Variants in KLK10 observed in about 807,000 individuals in gnomAD.
KLK10 encodes the protein kallikrein related peptidase 10.
Under a neutral mutation model 25.7 loss-of-function variants are expected in KLK10, and 27 were observed. That is an observed-to-expected ratio of 1.05 (90% confidence interval 0.77 to 1.45). The LOEUF (loss-of-function observed/expected upper bound fraction) is 1.45. KLK10 is among the 40% of genes most tolerant of loss of function. The pLI, the probability that KLK10 is intolerant of heterozygous loss-of-function variation, is 0.00. For synonymous variants in KLK10, 173 were observed against 160.1 expected (o/e 1.08, Z -0.61); for missense variants, 386 against 370.0 (o/e 1.04, Z -0.35).
Position 51,017,035 on chromosome 19 carries a change from C to T in KLK10, c.269+75G>A. 4.3e-6 allele frequency: 6 copies of T among 1,394,188 alleles called. No homozygotes were observed. In the South Asian group the frequency reaches 8.9e-5, roughly 21 times the overall value. 86.4% of individuals were successfully genotyped at this position (1,394,188 alleles called of 1,614,324 possible). A position where few individuals can be genotyped will look rare whatever the true frequency, so the allele number is the denominator to read the frequency against. On this transcript the variant is annotated intron_variant, in intron 3 of 5. Transcript: ENST00000358789. ...CCAGCTGTGGGAGTTCCGAGAGACC[C>T]CGCCCTGCCCGCTCCTCCCTGGAGG...
chr19:51,015,407 C>G lies in KLK10; in HGVS notation c.678+10G>C. ...CCAGGAGTCAGAGACTCTCCCTGTT[C>G]AGACCCTACCTGGCAAGGGTCCTGG... On this transcript the variant is annotated intron_variant, in intron 5 of 5. Coordinates refer to ENST00000358789, the MANE Select transcript of KLK10 (RefSeq NM_145888.3). 6.2e-7 allele frequency: 1 copy of G among 1,613,112 alleles called. No homozygotes were observed.
In KLK10 at chr19:51,016,013, A is replaced by C; in HGVS notation, c.413T>G (p.Leu138Arg). 1 of 1,567,086 alleles carries C rather than the reference A, an allele frequency of 6.4e-7. No individual in the cohort carries two copies. Among genetic ancestry groups the C allele is most frequent in the Non-Finnish European group, 8.7e-7 (1 of 1,155,816 alleles). ...ILPRRTDEHD[L>R]MLLKLARPVV... ...GGGCCTGGCCAGCTTCAGCAACATG[A>C]GATCGTGCTCATCCGTTCGCCTTGG... is the stretch of plus-strand genomic sequence containing the variant. The change falls in exon 4 of 6, where the codon CTC becomes CGC. Residue 138 changes from leucine (L) to arginine (R), a missense_variant. Coordinates refer to ENST00000358789, the MANE Select transcript of KLK10 (RefSeq NM_145888.3).
In KLK10 at chr19:51,016,057, C is replaced by T. The variant is rs1403261498; in HGVS notation, c.369G>A (p.Gln123=). Residue 123 remains glutamine (Q), a synonymous_variant, in exon 4 of 6, where the codon CAG becomes CAA. Transcript: ENST00000358789. Reference sequence around the variant, plus strand: ...GCCTTGGCAGGATGGGGCCTGAGCCCTGGTGGTACTTGGGATGGACAACAG... The same window carrying T: ...GCCTTGGCAGGATGGGGCCTGAGCCTTGGTGGTACTTGGGATGGACAACAG... ...TRSVVHPKYH[Q]GSGPILPRRT... is the part of the protein sequence containing the mutation. 1 of 1,569,306 alleles carries T rather than the reference C, an allele frequency of 6.4e-7. No homozygotes were observed. Among genetic ancestry groups the T allele is most frequent in the East Asian group, 2.4e-5 (1 of 42,338 alleles).
In KLK10 at chr19:51,015,999, G is replaced by T; in HGVS notation, c.427C>A (p.Leu143Met). 1 of 1,570,346 alleles carries T rather than the reference G, an allele frequency of 6.4e-7. No individual in the cohort carries two copies. Among genetic ancestry groups the T allele is most frequent in the South Asian group, 1.2e-5 (1 of 85,540 alleles). ...GGCCCCAGCACTACGGGCCTGGCCA[G>T]CTTCAGCAACATGAGATCGTGCTCA... is the stretch of plus-strand genomic sequence containing the variant. The part of the protein sequence containing the change: ...TDEHDLMLLK[L>M]ARPVVLGPRV... Residue 143 changes from leucine (L) to methionine (M), a missense_variant, in exon 4 of 6, where the codon CTG (leucine) becomes ATG (methionine). By Grantham distance (15) the Leu-to-Met change is conservative. Transcript: ENST00000358789.
rs117165287 is a variant in KLK10 at position 51,014,400 on chromosome 19, C to T, written c.*400G>A. On this transcript the variant is annotated 3_prime_UTR_variant, in exon 6 of 6. Transcript: ENST00000358789. Reference sequence around the variant, plus strand: ...TCACAACATGTCTAAGAGGTAGGCACGTCATTGTTCCCATTTTGCAGATGA... The same window carrying T: ...TCACAACATGTCTAAGAGGTAGGCATGTCATTGTTCCCATTTTGCAGATGA... 1,069 of 196,954 alleles carry T rather than the reference C, an allele frequency of 5.4e-3. 40 individuals carry two copies. Among genetic ancestry groups the T allele is most frequent in the Admixed American group, 0.048 (891 of 18,562 alleles). The allele number at this position is 196,954 out of a possible 1,614,324, so 12.2% of individuals were successfully genotyped here. A position where few individuals can be genotyped will look rare whatever the true frequency, so the allele number is the denominator to read the frequency against.
At chr19:51,017,994 C>T (rs1369484231) in intron 2 of KLK10, among the ~76,000 whole-genome samples, 6 of 90,444 alleles carry the variant, frequency 6.6e-5, no homozygotes, top group Admixed American at 1.4e-4. Flanking sequence ...GAGTGAGACC[C>T]TGTCTCAAAA....
chr19:51,015,053 AT>A, intron 5 of KLK10, 101 bp from the exon 6 acceptor site: 1 of 1,076,932 alleles, frequency 9.3e-7, no homozygotes, highest in East Asian at 2.4e-5. Flanking sequence ...TTGGGTTGGG[AT>A]AAAGACGAGG....
Position 51,014,788 on chromosome 19 carries a change from G to C in KLK10, c.*12C>G. 1 of 1,574,986 alleles carries C rather than the reference G, an allele frequency of 6.3e-7. No individual in the cohort carries two copies. Among genetic ancestry groups the C allele is most frequent in the African/African-American group, 1.3e-5 (1 of 74,592 alleles). On this transcript the variant is annotated 3_prime_UTR_variant, in exon 6 of 6. Transcript: ENST00000358789. Reference sequence around the variant, plus strand: ...GCATAACATCTGGATCAGCTGGAGCGTAGCATCTGGATCAGTTGGAGCGTA... The same window carrying C: ...GCATAACATCTGGATCAGCTGGAGCCTAGCATCTGGATCAGTTGGAGCGTA...
chr19:51,013,337 C>T lies in KLK10; in HGVS notation c.*1463G>A, dbSNP rs1349845998. 1 of 152,170 alleles carries T rather than the reference C, an allele frequency of 6.6e-6. No individual in the cohort carries two copies. Among genetic ancestry groups the T allele is most frequent in the Non-Finnish European group, 1.5e-5 (1 of 68,046 alleles). The allele number at this position is 152,170 out of a possible 1,614,324, so 9.4% of individuals were successfully genotyped here. A position where few individuals can be genotyped will look rare whatever the true frequency, so the allele number is the denominator to read the frequency against. On this transcript the variant is annotated 3_prime_UTR_variant, in exon 6 of 6. Coordinates refer to ENST00000358789, the MANE Select transcript of KLK10 (RefSeq NM_145888.3). ...AAGGACAAACAAACAAACAAAAACCCCGTGCTTAATGGGAAATTTCTGTTG... is the reference window on the plus strand; with the variant it reads ...AAGGACAAACAAACAAACAAAAACCTCGTGCTTAATGGGAAATTTCTGTTG...
In KLK10 at chr19:51,015,965, CGGA is replaced by C. The variant is rs2091321323; in HGVS notation, c.458_460del (p.Val153_Arg154delinsGly). On this transcript the variant is annotated inframe_deletion, in exon 4 of 6. Transcript: ENST00000358789. ...ACAGCGGTAGGGAAGCTGCAGGGCC[CGGA>C]CGCGGGGCCCCAGCACTACGGGCCT... 6.3e-7 allele frequency: 1 copy of C among 1,583,208 alleles called. No individual in the cohort carries two copies. The highest frequency in any genetic ancestry group is 1.3e-5 in the African/African-American group (1 of 74,634).
intron 4 of KLK10, 30 bp from the exon 5 acceptor site, chr19:51,015,580 G>T (rs1296197779): frequency 3.7e-6 from 6 of 1,607,444 alleles, no homozygotes; most frequent in Non-Finnish European, 5.1e-6. Context: ...GTAATCCCTG[G>T]GTCCAGCCCC....
intron 2 of KLK10, 131 bp downstream of exon 2, chr19:51,018,912 C>A (rs1211586018): frequency 4.2e-6 from 3 of 706,336 alleles, no homozygotes; most frequent in Admixed American, 4.7e-5. Context: ...GCGGGCCGTG[C>A]TCCGGAGCGC....
In KLK10 at chr19:51,019,122, A is replaced by G. The variant is rs1245988467; in HGVS notation, c.9T>C (p.Ala3=). The G allele has an allele frequency of 6.2e-6, 10 of 1,608,842 alleles. No individual in the cohort carries two copies. The highest frequency in any genetic ancestry group is 1.3e-5 in the African/African-American group (1 of 74,814). The change falls in exon 2 of 6, where the codon GCT becomes GCC. Residue 3 remains alanine, a synonymous_variant. Transcript: ENST00000358789. This position sits in a 1 kb window ranked among gnomAD's most constrained non-coding sequence, Gnocchi z 4.2. ...AGGCGGCGGAGAGGTGGAGGTGCGG[A>G]GCTCTCATGGCCAGGATCTGCTGGG... is the stretch of plus-strand genomic sequence containing the variant. MR[A]PHLHLSAASG...
intron 2 of KLK10, 192 bp downstream of exon 2, chr19:51,018,851 G>A (rs982879557): frequency 3.5e-5 from 21 of 597,582 alleles, no homozygotes; most frequent in Non-Finnish European, 3.0e-5. Flanking sequence ...GGCCTGAGTG[G>A]GGCGGGTCAC....
chr19:51,014,539 C>A lies in KLK10; in HGVS notation c.*261G>T, dbSNP rs1449658795. On this transcript the variant is annotated 3_prime_UTR_variant, in exon 6 of 6. Transcript: ENST00000358789. ...ACTGCTCTCAGAGGCTGGGTGATGA[C>A]CGGCTTCCTGGCTTCTCTGGAATAA... 1 of 297,364 alleles carries A rather than the reference C, an allele frequency of 3.4e-6. No individual in the cohort carries two copies. The highest frequency in any genetic ancestry group is 4.8e-5 in the Admixed American group (1 of 20,748). The allele number at this position is 297,364 out of a possible 1,614,324, so 18.4% of individuals were successfully genotyped here.
intron 2 of KLK10, 139 bp from the exon 3 acceptor site, chr19:51,017,429 G>T: frequency 1.3e-6 from 1 of 744,552 alleles, no homozygotes; most frequent in Non-Finnish European, 2.1e-6. Context: ...AATATTGGGG[G>T]TTTCGCGTGC....
At chr19:51,018,337 A>G (rs2091362533) in intron 2 of KLK10, 1 of 152,016 alleles carries the variant, frequency 6.6e-6, no homozygotes, top group Admixed American at 6.6e-5. Flanking sequence ...GAAAGAAAGA[A>G]AAAGAAAAAA....
At chr19:51,015,807 C>G in intron 4 of KLK10, 75 bp downstream of exon 4, 1 of 1,377,042 alleles carries the variant, frequency 7.3e-7, no homozygotes, top group Non-Finnish European at 9.6e-7. Flanking sequence ...CCCAGCCCAT[C>G]CTTCCTCAGA....
chr19:51,014,374 C>G lies in KLK10; in HGVS notation c.*426G>C. On this transcript the variant is annotated 3_prime_UTR_variant, in exon 6 of 6. Transcript: ENST00000358789. ...CATACACATGTTATATCATAGTCTC[C>G]TCACAACATGTCTAAGAGGTAGGCA... is the stretch of plus-strand genomic sequence containing the variant. 5.4e-6 allele frequency: 1 copy of G among 184,578 alleles called. No homozygotes were observed. The highest frequency in any genetic ancestry group is 5.5e-5 in the Admixed American group (1 of 18,216). 11.4% of individuals were successfully genotyped at this position (184,578 alleles called of 1,614,324 possible). A position where few individuals can be genotyped will look rare whatever the true frequency, so the allele number is the denominator to read the frequency against.
Sources: gnomAD v4.1 joint callset for allele counts (sites outside exome capture counted in the v4.1 genomes callset) on GRCh38, gnomAD v4.1.1 for gene constraint, Gnocchi (gnomAD v3.1) non-coding constraint, MANE v1.5 for transcripts, NCBI Gene and HGNC (gene_info 2026-07-23, HGNC 2026-07-21) for gene names.